PEMT: variants seen among roughly 807,000 people sequenced by gnomAD.
The protein encoded by PEMT is phospholipid methyltransferase.
In PEMT, 23 loss-of-function variants were observed where a neutral mutation model predicts 27.4. The observed-to-expected ratio is 0.84, with a 90% CI of 0.60 to 1.19. PEMT has a LOEUF of 1.19. Ranked by LOEUF, PEMT falls within the 50% of genes most tolerant of loss-of-function variation. The pLI is 0.00. For synonymous variants in PEMT, 137 were observed against 139.1 expected, an observed-to-expected ratio of 0.98 and a Z score of 0.11; for missense variants, 307 against 310.1, an observed-to-expected ratio of 0.99 and a Z score of 0.07.
chr17:17,585,768 T>C (rs915129512), intron 1 of PEMT, among the ~76,000 whole-genome samples: 18 of 152,076 alleles, frequency 1.2e-4, no homozygotes, highest in Non-Finnish European at 2.6e-4. Flanking sequence ...ATCAGTACTT[T>C]TGAATGGAAA....
chr17:17,591,301 C>A, intron 1 of PEMT: 2 of 546,428 alleles, frequency 3.7e-6, no homozygotes, highest in Non-Finnish European at 6.5e-6. Flanking sequence ...CAGGAACGCC[C>A]CCGTCTCTGA....
chr17:17,581,432 C>G (rs1391202271), intron 1 of PEMT, among the ~76,000 whole-genome samples: 2 of 152,198 alleles, frequency 1.3e-5, no homozygotes, highest in African/African-American at 4.8e-5. Context: ...CCAGCCTGAG[C>G]AAGGCCAGCC....
intron 5 of PEMT, 90 bp downstream of exon 5, chr17:17,509,344 C>T: frequency 3.7e-6 from 3 of 808,786 alleles, no homozygotes; most frequent in Non-Finnish European, 4.1e-6. Context: ...TCTCTCTCTC[C>T]AGGGGCCCTG....
chr17:17,518,734 G>A (rs1398145556), intron 3 of PEMT, among the ~76,000 whole-genome samples: 2 of 152,196 alleles, frequency 1.3e-5, no homozygotes, highest in Non-Finnish European at 2.9e-5. Flanking sequence ...AGGCTTTTGA[G>A]CACAGCCTGG....
chr17:17,534,789 C>A (rs536485877), intron 2 of PEMT, among the ~76,000 whole-genome samples: 21 of 152,294 alleles, frequency 1.4e-4, no homozygotes, highest in African/African-American at 4.1e-4. Context: ...CACGAATGCA[C>A]TCCAGCCTGG....
Position 17,586,913 on chromosome 17 carries a change from G to A in PEMT, c.96+4618C>T, listed in dbSNP as rs190658654. ...AGCTACTTGGGAGGCTGAGGCAGGA[G>A]AATTGCTTGAACCCGGGAGACGGAG... is the stretch of plus-strand genomic sequence containing the variant. On this transcript the variant is annotated intron_variant, in intron 1 of 6. Coordinates refer to ENST00000255389, the MANE Select transcript of PEMT (RefSeq NM_148172.3). Among the ~76,000 whole-genome samples the A allele has an allele frequency of 8.8e-3, 1,343 of 152,228 alleles. 25 individuals are homozygous for A. Among genetic ancestry groups the A allele is most frequent in the African/African-American group, 0.03 (1,243 of 41,530 alleles).
intron 3 of PEMT, chr17:17,518,065 A>G (rs1350507572): frequency 1.0e-6 from 1 of 985,432 alleles, no homozygotes; most frequent in Non-Finnish European, 1.2e-6. Flanking sequence ...ACCAGAGCAC[A>G]CAGGAGCCTC....
Position 17,512,815 on chromosome 17 carries a change from C to T in PEMT, c.321-161G>A, listed in dbSNP as rs1906519812. Among the ~76,000 whole-genome samples the T allele has an allele frequency of 6.6e-6, 1 of 152,146 alleles. No homozygotes were observed. Among genetic ancestry groups the T allele is most frequent in the Non-Finnish European group, 1.5e-5 (1 of 68,014 alleles). ...CAGGCAGCAGGTGGGGTCCAGTCCA[C>T]CTGGGAGGTGGGTGACAGTAACAGG... On this transcript the variant is annotated intron_variant, in intron 3 of 6. Transcript: ENST00000255389. The surrounding 1 kb of genome is among the most constrained non-coding windows in gnomAD (Gnocchi z 6.3).
At chr17:17,567,723 C>G (rs1910927128) in intron 2 of PEMT, among the ~76,000 whole-genome samples, 1 of 152,266 alleles carries the variant, frequency 6.6e-6, no homozygotes, top group Non-Finnish European at 1.5e-5. Flanking sequence ...TTAGGTGACA[C>G]TGGTCTGAAG....
At chr17:17,566,817 C>A (rs1176251304) in intron 2 of PEMT, among the ~76,000 whole-genome samples, 3 of 152,202 alleles carry the variant, frequency 2.0e-5, no homozygotes, top group Non-Finnish European at 4.4e-5. Flanking sequence ...CCATGCTTAG[C>A]CTGAAGGCCA....
At chr17:17,578,004 G>A (rs1288509182) in intron 1 of PEMT, among the ~76,000 whole-genome samples, 4 of 131,984 alleles carry the variant, frequency 3.0e-5, no homozygotes, top group African/African-American at 5.9e-5. Context: ...GCAACAGAGT[G>A]AGACTCCGTC....
At chr17:17,555,229 A>AC (rs1439534810) in intron 2 of PEMT, among the ~76,000 whole-genome samples, 2 of 151,806 alleles carry the variant, frequency 1.3e-5, no homozygotes, top group African/African-American at 4.8e-5. Flanking sequence ...CACTGTACCC[A>AC]CCCCCAAGAA....
intron 2 of PEMT, among the ~76,000 whole-genome samples, chr17:17,568,028 C>T (rs546241465): frequency 6.6e-6 from 1 of 151,678 alleles, no homozygotes; most frequent in Admixed American, 6.5e-5. Context: ...CTGACACACA[C>T]ACACTCACAC....
At chr17:17,508,500 G>A (rs774496965) in intron 5 of PEMT, among the ~76,000 whole-genome samples, 1 of 152,262 alleles carries the variant, frequency 6.6e-6, no homozygotes, top group Non-Finnish European at 1.5e-5. Context: ...GACATTCACT[G>A]TTTACGATTC....
intron 1 of PEMT, among the ~76,000 whole-genome samples, chr17:17,583,290 C>T (rs1211674549): frequency 1.3e-5 from 2 of 152,108 alleles, no homozygotes; most frequent in Admixed American, 6.6e-5. Flanking sequence ...GCAGGAGAAT[C>T]GCTTCAACCC....
chr17:17,544,516 G>A (rs1172964376), intron 2 of PEMT, among the ~76,000 whole-genome samples: 2 of 151,990 alleles, frequency 1.3e-5, no homozygotes, highest in Non-Finnish European at 2.9e-5. Context: ...CCTGACCTCA[G>A]GCATCCCAAA....
At chr17:17,531,589 C>G (rs896414936) in intron 2 of PEMT, among the ~76,000 whole-genome samples, 6 of 112,618 alleles carry the variant, frequency 5.3e-5, no homozygotes, top group African/African-American at 2.1e-4. Flanking sequence ...AGCCTTTCCA[C>G]AGATGCCACT....
At chr17:17,565,333 A>C (rs1030457287) in intron 2 of PEMT, 3 of 152,494 alleles carry the variant, frequency 2.0e-5, no homozygotes, top group Admixed American at 2.0e-4. Context: ...ACACCTCTGC[A>C]TCAGGCCAGT....
intron 2 of PEMT, among the ~76,000 whole-genome samples, chr17:17,567,263 T>C (rs1910889045): frequency 6.6e-6 from 1 of 152,268 alleles, no homozygotes; most frequent in South Asian, 2.1e-4. Flanking sequence ...CCAGCCATCC[T>C]GGCACAGGCT....
Sources: gnomAD v4.1 joint callset for allele counts (sites outside exome capture counted in the v4.1 genomes callset) on GRCh38, gnomAD v4.1.1 for gene constraint, Gnocchi (gnomAD v3.1) non-coding constraint, MANE v1.5 for transcripts, NCBI Gene and HGNC (gene_info 2026-07-23, HGNC 2026-07-21) for gene names.